The following WWOX variants were observed in gnomAD, a reference collection of about 807,000 sequenced individuals.
The protein encoded by WWOX is WW domain containing oxidoreductase.
In WWOX, 69 loss-of-function variants were observed where a neutral mutation model predicts 46.2. That is an observed-to-expected ratio of 1.49 (90% CI 1.23 to 1.82). The LOEUF is 1.82. Among genes scored for constraint, WWOX ranks in the 40% most tolerant of loss-of-function variants. The pLI is 0.00. For synonymous variants in WWOX, 359 were observed against 202.6 expected (o/e 1.77, Z -6.56); for missense variants, 919 against 542.6 (o/e 1.69, Z -6.89).
chr16:78,648,663 G>C (rs992939855), intron 8 of WWOX, among the ~76,000 whole-genome samples: 10 of 152,158 alleles, frequency 6.6e-5, no homozygotes, highest in African/African-American at 2.4e-4. Flanking sequence ...GGATGTCCTG[G>C]TCTAGGGAGC....
At chr16:78,393,212 T>G (rs1005721565) in intron 6 of WWOX, among the ~76,000 whole-genome samples, 2 of 152,242 alleles carry the variant, frequency 1.3e-5, no homozygotes, top group East Asian at 3.8e-4. Flanking sequence ...TGAAATGGAC[T>G]GAGAAATAAC....
intron 8 of WWOX, among the ~76,000 whole-genome samples, chr16:78,435,876 C>G (rs1567572467): frequency 6.6e-6 from 1 of 152,136 alleles, no homozygotes; most frequent in Non-Finnish European, 1.5e-5. Flanking sequence ...CATATAACAT[C>G]AATAATGATG....
At chr16:78,496,564 T>C (rs1286796230) in intron 8 of WWOX, 2 of 152,240 alleles carry the variant, frequency 1.3e-5, no homozygotes, top group African/African-American at 4.8e-5. Flanking sequence ...TGAATCTCCA[T>C]GGACATGTTT....
At chr16:79,168,780 G>C (rs774995921) in intron 8 of WWOX, among the ~76,000 whole-genome samples, 1 of 152,110 alleles carries the variant, frequency 6.6e-6, no homozygotes, top group Non-Finnish European at 1.5e-5. Context: ...CCAAGATCCC[G>C]GAGCTTGTTT....
chr16:79,178,286 G>A (rs532976824), intron 8 of WWOX, among the ~76,000 whole-genome samples: 1 of 152,228 alleles, frequency 6.6e-6, no homozygotes, highest in South Asian at 2.1e-4. Flanking sequence ...TGACCCATGG[G>A]CTGCAGTTTG....
intron 5 of WWOX, among the ~76,000 whole-genome samples, chr16:78,380,483 T>C (rs755475080): frequency 2.6e-5 from 4 of 152,114 alleles, no homozygotes; most frequent in Non-Finnish European, 4.4e-5. Flanking sequence ...GCTTTTATCA[T>C]TGGGCCAGTG....
At chr16:78,797,106 G>T (rs532285194) in intron 8 of WWOX, among the ~76,000 whole-genome samples, 4 of 152,010 alleles carry the variant, frequency 2.6e-5, no homozygotes, top group African/African-American at 4.8e-5. Flanking sequence ...GGTTGCAGGC[G>T]TGAGCCACTG....
At chr16:78,524,307 T>G (rs530204288) in intron 8 of WWOX, among the ~76,000 whole-genome samples, 8 of 152,352 alleles carry the variant, frequency 5.3e-5, no homozygotes, top group African/African-American at 1.9e-4. Context: ...TTATTTTTGT[T>G]GTTACTGCTG....
At chr16:78,606,352 A>T (rs1156968144) in intron 8 of WWOX, among the ~76,000 whole-genome samples, 2 of 152,172 alleles carry the variant, frequency 1.3e-5, no homozygotes, top group Non-Finnish European at 2.9e-5. Flanking sequence ...ATTTACTATT[A>T]ATGTAGAAGT....
intron 8 of WWOX, among the ~76,000 whole-genome samples, chr16:78,565,711 C>T (rs1239234035): frequency 6.6e-6 from 1 of 152,170 alleles, no homozygotes; most frequent in African/African-American, 2.4e-5. Context: ...ACCACAACCA[C>T]TAATTCTGGA....
At chr16:79,207,569 C>T (rs933312235) in intron 8 of WWOX, among the ~76,000 whole-genome samples, 1 of 152,354 alleles carries the variant, frequency 6.6e-6, no homozygotes, top group East Asian at 1.9e-4. Flanking sequence ...CATCTACTCT[C>T]TCACAATCAT....
At chr16:78,420,575 C>T (rs937293528) in intron 6 of WWOX, among the ~76,000 whole-genome samples, 1 of 151,000 alleles carries the variant, frequency 6.6e-6, no homozygotes, top group Admixed American at 6.6e-5. Flanking sequence ...ATAGGCGAAT[C>T]TATAGGACAG....
At chr16:78,331,119 T>C (rs2080746043) in intron 5 of WWOX, among the ~76,000 whole-genome samples, 3 of 152,322 alleles carry the variant, frequency 2.0e-5, no homozygotes, top group African/African-American at 7.2e-5. Context: ...TTTTAACACC[T>C]ACGGTCCCTG....
intron 8 of WWOX, among the ~76,000 whole-genome samples, chr16:78,823,060 G>A (rs1356301036): frequency 2.0e-5 from 3 of 152,178 alleles, no homozygotes; most frequent in African/African-American, 7.2e-5. Context: ...TTTATTGCAT[G>A]CTTTGAAGTT....
At chr16:79,096,509 A>G (rs1250334481) in intron 8 of WWOX, among the ~76,000 whole-genome samples, 1 of 152,130 alleles carries the variant, frequency 6.6e-6, no homozygotes, top group African/African-American at 2.4e-5. Flanking sequence ...TTCAACAGCT[A>G]CAGGGCTGGC....
chr16:78,398,264 C>T (rs1466189947), intron 6 of WWOX, among the ~76,000 whole-genome samples: 4 of 152,144 alleles, frequency 2.6e-5, no homozygotes, highest in African/African-American at 9.7e-5. Context: ...GGGATCTGAT[C>T]CCTTCTCCCA....
In WWOX at chr16:78,754,713, G is replaced by A. The variant is rs1424160; in HGVS notation, c.1056+321961G>A. On this transcript the variant is annotated intron_variant, in intron 8 of 8. Transcript: ENST00000566780. Reference sequence around the variant, plus strand: ...TTTGGTTATGCAGTGCATTTATTTGGTTTTCTTGAAATAAGAAAAAAAGAT... The same window carrying A: ...TTTGGTTATGCAGTGCATTTATTTGATTTTCTTGAAATAAGAAAAAAAGAT... 1.8e-4 allele frequency among the ~76,000 whole-genome samples: 27 copies of A among 152,234 alleles called. No homozygotes were observed. In the East Asian group the frequency reaches 4.6e-3, roughly 26 times the overall value.
intron 5 of WWOX, among the ~76,000 whole-genome samples, chr16:78,182,100 C>T (rs900027451): frequency 4.6e-5 from 7 of 152,196 alleles, no homozygotes; most frequent in East Asian, 1.9e-4. Context: ...AGTTCAAATC[C>T]GGTTTATGCC....
At chr16:78,650,534 G>A (rs950643262) in intron 8 of WWOX, among the ~76,000 whole-genome samples, 1 of 152,166 alleles carries the variant, frequency 6.6e-6, no homozygotes, top group African/African-American at 2.4e-5. Context: ...CGAGTCGTAT[G>A]AATCCAGGAC....
Sources: allele counts gnomAD v4.1 joint callset (sites outside exome capture counted in the v4.1 genomes callset), GRCh38; gene constraint gnomAD v4.1.1; transcripts MANE v1.5; gene names NCBI Gene and HGNC (gene_info 2026-07-23, HGNC 2026-07-21).